The following CADPS variants were observed in gnomAD, a reference collection of about 807,000 sequenced individuals.
CADPS encodes the protein calcium dependent secretion activator, also known as calcium-dependent secretion activator 1.
A neutral mutation model predicts 167.3 loss-of-function variants in CADPS; 57 were observed. The observed-to-expected ratio is 0.34, with a 90% CI of 0.28 to 0.42. The LOEUF is 0.42. Ranked by LOEUF, CADPS falls within the 20% of genes least tolerant of loss-of-function variation. CADPS has a pLI of 1.00. For missense variants in CADPS, 1,414 were observed against 1,738.1 expected (o/e 0.81, Z 3.32); for synonymous variants, 676 against 635.3 (o/e 1.06, Z -0.96).
chr3:62,589,174 A>G (rs536453685), intron 7 of CADPS, among the ~76,000 whole-genome samples: 5 of 152,352 alleles, frequency 3.3e-5, no homozygotes, highest in Admixed American at 1.3e-4. Flanking sequence ...TTCTAAACAC[A>G]GGTCTGCTAA....
At chr3:62,529,134 A>C (rs991934422) in intron 13 of CADPS, among the ~76,000 whole-genome samples, 1 of 152,182 alleles carries the variant, frequency 6.6e-6, no homozygotes, top group Non-Finnish European at 1.5e-5. Flanking sequence ...GCACTCCAGC[A>C]TGGGGCACAA....
chr3:62,737,132 C>T (rs1038032794), intron 3 of CADPS, among the ~76,000 whole-genome samples: 4 of 151,032 alleles, frequency 2.6e-5, no homozygotes, highest in Non-Finnish European at 5.9e-5. Context: ...AGAGAGACTC[C>T]ATCTAAAAAA....
At chr3:62,687,050 C>A (rs143009018) in intron 3 of CADPS, among the ~76,000 whole-genome samples, 1 of 152,226 alleles carries the variant, frequency 6.6e-6, no homozygotes, top group Non-Finnish European at 1.5e-5. Flanking sequence ...GTAGCAACAG[C>A]CTGGGAACAG....
At chr3:62,538,307 G>A (rs750124969) in intron 11 of CADPS, among the ~76,000 whole-genome samples, 3 of 152,098 alleles carry the variant, frequency 2.0e-5, no homozygotes, top group African/African-American at 7.2e-5. Context: ...TAGGGCATGT[G>A]TGTGACTCCT....
At chr3:62,630,290 G>A (rs2065036627) in intron 6 of CADPS, among the ~76,000 whole-genome samples, 1 of 152,064 alleles carries the variant, frequency 6.6e-6, no homozygotes, top group African/African-American at 2.4e-5. Flanking sequence ...TCTTTAATTT[G>A]GTTGAATTGA....
At chr3:62,545,335 C>T (rs2076288076) in intron 11 of CADPS, among the ~76,000 whole-genome samples, 1 of 152,070 alleles carries the variant, frequency 6.6e-6, no homozygotes, top group Non-Finnish European at 1.5e-5. Context: ...TGAGAGGCCA[C>T]TCAGCATAAT....
At chr3:62,493,567 A>G in intron 19 of CADPS, 78 bp downstream of exon 19, 1 of 1,074,906 alleles carries the variant, frequency 9.3e-7, no homozygotes. Context: ...ATTAGTTATT[A>G]GAGGGATATT....
At chr3:62,564,316 A>G (rs1305953102) in intron 9 of CADPS, among the ~76,000 whole-genome samples, 2 of 152,050 alleles carry the variant, frequency 1.3e-5, no homozygotes, top group Non-Finnish European at 2.9e-5. Context: ...TAGGTTTCAT[A>G]TTTGGCTGCT....
intron 3 of CADPS, among the ~76,000 whole-genome samples, chr3:62,690,407 C>T (rs569320087): frequency 5.9e-5 from 9 of 152,098 alleles, no homozygotes; most frequent in South Asian, 2.1e-4. Flanking sequence ...TCACTTCACT[C>T]GTTTGTGTGA....
At chr3:62,861,471 C>T (rs1326809133) in intron 1 of CADPS, among the ~76,000 whole-genome samples, 1 of 152,152 alleles carries the variant, frequency 6.6e-6, no homozygotes, top group Non-Finnish European at 1.5e-5. Flanking sequence ...ATTCAAGATA[C>T]TTCTACATAT....
At position 62,414,748 on chromosome 3, in the gene CADPS, G is replaced by GA. The variant is rs1239746121; in HGVS notation, c.3778-11564dup. ...TGGCAAGGTGGGAAGGAAGGGCTGG[G>GA]AGCCCCCCACTAGGCCCAAATAGAG... On this transcript the variant is annotated intron_variant, in intron 28 of 29. Transcript: ENST00000383710. Among the ~76,000 whole-genome samples the GA allele has an allele frequency of 2.6e-5, 4 of 152,206 alleles. No homozygotes were observed. The East Asian group carries it at 7.7e-4, about 29-fold the overall frequency.
intron 17 of CADPS, among the ~76,000 whole-genome samples, chr3:62,504,134 C>T (rs1473941877): frequency 6.6e-6 from 1 of 152,076 alleles, no homozygotes; most frequent in African/African-American, 2.4e-5. Context: ...TCTTGCTGGA[C>T]CATTTCAGTG....
rs1255091015 is a variant in CADPS, at chr3:62,451,263, C to A, written c.3637-5466G>T. Among the ~76,000 whole-genome samples the A allele has an allele frequency of 2.0e-5, 3 of 152,052 alleles. No individual in the cohort carries two copies. The East Asian group carries it at 5.8e-4, about 29-fold the overall frequency. On this transcript the variant is annotated intron_variant, in intron 26 of 29. Coordinates refer to ENST00000383710, the MANE Select transcript of CADPS (RefSeq NM_003716.4). ...TGCCCAAGGTAATCTTTTCATTGAG[C>A]ACTCACCATTCTGGGGTTTTCACAA... is the stretch of plus-strand genomic sequence containing the variant.
intron 3 of CADPS, among the ~76,000 whole-genome samples, chr3:62,694,804 A>G (rs886150059): frequency 1.3e-5 from 2 of 152,116 alleles, no homozygotes; most frequent in African/African-American, 2.4e-5. Flanking sequence ...AGAATGGTTT[A>G]CTGAAGACTC....
chr3:62,805,891 C>T (rs549248591), intron 1 of CADPS, among the ~76,000 whole-genome samples: 1 of 152,266 alleles, frequency 6.6e-6, no homozygotes. Context: ...TCTAAAACCA[C>T]AGTTCTTGTT....
intron 1 of CADPS, among the ~76,000 whole-genome samples, chr3:62,857,943 A>G (rs1411106790): frequency 6.6e-6 from 1 of 152,198 alleles, no homozygotes; most frequent in Non-Finnish European, 1.5e-5. Flanking sequence ...ACTAAATTAT[A>G]TCTAGGGAGT....
Position 62,569,387 on chromosome 3 carries a change from C to A in CADPS, c.1644+1485G>T, listed in dbSNP as rs532925877. On this transcript the variant is annotated intron_variant, in intron 9 of 29. Coordinates refer to ENST00000383710, the MANE Select transcript of CADPS (RefSeq NM_003716.4). ...AAAGTGCTGGGATTACAGGCGTGAG[C>A]CACCGTGCTGGGCAGCCGTGGGTTA... 2.0e-5 allele frequency among the ~76,000 whole-genome samples: 3 copies of A among 152,322 alleles called. No individual in the cohort carries two copies. The East Asian group carries it at 5.8e-4, about 29-fold the overall frequency.
At chr3:62,448,998 A>G (rs2057652374) in intron 26 of CADPS, among the ~76,000 whole-genome samples, 1 of 152,246 alleles carries the variant, frequency 6.6e-6, no homozygotes, top group African/African-American at 2.4e-5. Context: ...AGTGAAAGAA[A>G]AGGCATCTTG....
intron 17 of CADPS, among the ~76,000 whole-genome samples, chr3:62,509,818 G>T (rs2067395002): frequency 6.6e-6 from 1 of 152,108 alleles, no homozygotes; most frequent in South Asian, 2.1e-4. Context: ...TGAATGAATG[G>T]ATATTGTCTA....
Sources: gnomAD v4.1 joint callset for allele counts (sites outside exome capture counted in the v4.1 genomes callset) on GRCh38, gnomAD v4.1.1 for gene constraint, MANE v1.5 for transcripts, NCBI Gene and HGNC (gene_info 2026-07-23, HGNC 2026-07-21) for gene names.